Variants in ACER2 observed in about 807,000 individuals in gnomAD.
ACER2 encodes the protein alkCDase 2.
ACER2 carries 26 observed loss-of-function variants against 34.7 expected under a neutral mutation model. The ratio of observed to expected loss-of-function variants is 0.75; its 90% CI spans 0.55 to 1.04. The LOEUF is 1.04. Ranked by LOEUF, ACER2 falls within the 50% of genes least tolerant of loss-of-function variation. ACER2 has a pLI of 0.00. For missense variants in ACER2, 352 were observed against 340.8 expected (o/e 1.03, Z -0.26); for synonymous variants, 138 against 132.1 (o/e 1.04, Z -0.31).
Position 19,450,462 on chromosome 9 carries a change from CTGCCTTGCTGCCTACCTGGGCTG to C in ACER2, c.657_679del (p.Leu220MetfsTer6), listed in dbSNP as rs757833175. Reference sequence around the variant, plus strand: ...TCTCCCTCTGCAGGCACATCCTCATCTGCCTTGCTGCCTACCTGGGCTGTGTATGCTTTGCCTACTTTGATGCT... The same window carrying C: ...TCTCCCTCTGCAGGCACATCCTCATCTGTATGCTTTGCCTACTTTGATGCT... On this transcript the variant is annotated frameshift_variant, in exon 6 of 6. Coordinates refer to ENST00000340967, the MANE Select transcript of ACER2 (RefSeq NM_001010887.3). LOFTEE classifies it high-confidence loss of function. 1 of 1,599,070 alleles carries C rather than the reference CTGCCTTGCTGCCTACCTGGGCTG, an allele frequency of 6.3e-7. No homozygotes were observed. The highest frequency in any genetic ancestry group is 8.6e-7 in the Non-Finnish European group (1 of 1,167,866).
At chr9:19,423,049 A>G (rs1379443179) in intron 1 of ACER2, among the ~76,000 whole-genome samples, 3 of 151,696 alleles carry the variant, frequency 2.0e-5, no homozygotes, top group Non-Finnish European at 4.4e-5. Context: ...AAAAAAAAAA[A>G]AAGTAAATGG....
intron 4 of ACER2, 193 bp from the exon 5 acceptor site, chr9:19,446,088 T>C: frequency 2.3e-6 from 2 of 852,126 alleles, no homozygotes. Flanking sequence ...GTGGGAAGGG[T>C]GTCTGTGAGC....
chr9:19,446,511 C>T (rs1013513719), intron 5 of ACER2, 93 bp downstream of exon 5: 2 of 1,576,268 alleles, frequency 1.3e-6, no homozygotes, highest in Non-Finnish European at 8.6e-7. Context: ...CACAGGTGTC[C>T]TGTGGGTTGC....
At chr9:19,423,362 A>G (rs935800593) in intron 1 of ACER2, among the ~76,000 whole-genome samples, 1 of 152,198 alleles carries the variant, frequency 6.6e-6, no homozygotes, top group African/African-American at 2.4e-5. Context: ...TTAAATGGTC[A>G]TTTAAAAAGC....
intron 1 of ACER2, among the ~76,000 whole-genome samples, chr9:19,411,889 C>T (rs2132451935): frequency 6.6e-6 from 1 of 152,242 alleles, no homozygotes; most frequent in East Asian, 1.9e-4. Context: ...CTGCTGGGTA[C>T]TGTATACTCA....
chr9:19,409,019 G>A lies in ACER2; in HGVS notation c.-66G>A. On this transcript the variant is annotated 5_prime_UTR_variant, in exon 1 of 6. Transcript: ENST00000340967. ...TCGCCGCTGGCTGTCGCCGCGTTTT[G>A]CCTCCGCAGCAGCTCTGGGCTCTTC... The A allele has an allele frequency of 2.2e-6, 3 of 1,376,348 alleles. No individual in the cohort carries two copies. The highest frequency in any genetic ancestry group is 3.0e-5 in the South Asian group (2 of 67,668). 85.3% of individuals were successfully genotyped at this position (1,376,348 alleles called of 1,614,324 possible).
chr9:19,444,830 C>T (rs868490425), intron 4 of ACER2, among the ~76,000 whole-genome samples: 5 of 152,344 alleles, frequency 3.3e-5, no homozygotes, highest in African/African-American at 9.6e-5. Flanking sequence ...GAATGTAAGT[C>T]TCCCCATGTC....
chr9:19,428,127 C>T (rs1830639179), intron 3 of ACER2, among the ~76,000 whole-genome samples: 1 of 117,164 alleles, frequency 8.5e-6, no homozygotes, highest in Non-Finnish European at 1.8e-5. Context: ...TTCTTTTTTT[C>T]TTGATCTAGA....
intron 4 of ACER2, among the ~76,000 whole-genome samples, chr9:19,439,804 A>G (rs568065313): frequency 8.5e-5 from 13 of 152,282 alleles, no homozygotes; most frequent in Admixed American, 3.3e-4. Context: ...CATCTCTACT[A>G]AAAACACAAA....
At chr9:19,412,165 A>G (rs1337550413) in intron 1 of ACER2, among the ~76,000 whole-genome samples, 1 of 152,244 alleles carries the variant, frequency 6.6e-6, no homozygotes, top group Non-Finnish European at 1.5e-5. Context: ...TATCTCTAGG[A>G]TAAAACTCAT....
chr9:19,411,333 G>A (rs1386439298), intron 1 of ACER2, among the ~76,000 whole-genome samples: 1 of 151,866 alleles, frequency 6.6e-6, no homozygotes, highest in African/African-American at 2.4e-5. Flanking sequence ...GCCTAACTTT[G>A]TTGAGTGTAG....
intron 4 of ACER2, among the ~76,000 whole-genome samples, chr9:19,439,797 C>G (rs937705198): frequency 1.3e-5 from 2 of 152,160 alleles, no homozygotes; most frequent in African/African-American, 4.8e-5. Flanking sequence ...GAAACCTCAT[C>G]TCTACTAAAA....
intron 4 of ACER2, among the ~76,000 whole-genome samples, chr9:19,441,613 A>G (rs1474218591): frequency 6.6e-6 from 1 of 152,078 alleles, no homozygotes; most frequent in African/African-American, 2.4e-5. Context: ...AGCTATTTAT[A>G]TGCTGTTCCA....
intron 5 of ACER2, 72 bp from the exon 6 acceptor site, chr9:19,450,378 A>C (rs1054750506): frequency 6.9e-7 from 1 of 1,448,362 alleles, no homozygotes; most frequent in Non-Finnish European, 9.2e-7. Context: ...GACCGGAAGA[A>C]GGAGCAGGCT....
At chr9:19,412,702 A>T (rs1175321974) in intron 1 of ACER2, among the ~76,000 whole-genome samples, 1 of 151,208 alleles carries the variant, frequency 6.6e-6, no homozygotes, top group Non-Finnish European at 1.5e-5. Flanking sequence ...AATCACGAAT[A>T]CTTGAAGTTT....
At chr9:19,445,870 T>C (rs1235374719) in intron 4 of ACER2, among the ~76,000 whole-genome samples, 3 of 152,064 alleles carry the variant, frequency 2.0e-5, no homozygotes, top group Non-Finnish European at 4.4e-5. Flanking sequence ...GAGATGGCGG[T>C]AGCATGGATC....
At chr9:19,413,084 G>T (rs1830135892) in intron 1 of ACER2, among the ~76,000 whole-genome samples, 1 of 152,184 alleles carries the variant, frequency 6.6e-6, no homozygotes, top group African/African-American at 2.4e-5. Context: ...AGAGTGCACT[G>T]ATTTGACTTC....
intron 1 of ACER2, among the ~76,000 whole-genome samples, chr9:19,416,055 T>C (rs942733339): frequency 7.5e-6 from 1 of 133,362 alleles, no homozygotes; most frequent in Non-Finnish European, 1.6e-5. Flanking sequence ...AAGGAAACTT[T>C]ATTCCTTTTT....
chr9:19,413,031 T>C (rs1830134168), intron 1 of ACER2, among the ~76,000 whole-genome samples: 2 of 152,204 alleles, frequency 1.3e-5, no homozygotes, highest in African/African-American at 4.8e-5. Flanking sequence ...AGGAGGATAT[T>C]CAGTTTAAAT....
Sources: gnomAD v4.1 joint callset for allele counts (sites outside exome capture counted in the v4.1 genomes callset) on GRCh38, gnomAD v4.1.1 for gene constraint, MANE v1.5 for transcripts, NCBI Gene and HGNC (gene_info 2026-07-23, HGNC 2026-07-21) for gene names.